The following AHCYL2 variants were observed in gnomAD, a reference collection of about 807,000 sequenced individuals.
AHCYL2 encodes S-adenosylhomocysteine hydrolase-like protein 2.
Under a neutral mutation model 81.4 loss-of-function variants are expected in AHCYL2, and 28 were observed. That is an observed-to-expected ratio of 0.34 (90% CI 0.25 to 0.47). AHCYL2 has a LOEUF of 0.47. AHCYL2 is among the 20% of genes least tolerant of loss of function. The pLI, the probability that AHCYL2 is intolerant of heterozygous loss-of-function variation, is 1.00. For missense variants in AHCYL2, 551 were observed against 785.1 expected, an observed-to-expected ratio of 0.70 and a Z score of 3.56; for synonymous variants, 272 against 290.2, an observed-to-expected ratio of 0.94 and a Z score of 0.64.
At chr7:129,232,237 C>T (rs1432456680) in intron 1 of AHCYL2, among the ~76,000 whole-genome samples, 2 of 152,218 alleles carry the variant, frequency 1.3e-5, no homozygotes, top group Non-Finnish European at 2.9e-5. Context: ...AATACTTACT[C>T]CGTGTCAGGA....
chr7:129,376,939 C>T (rs548148158), intron 1 of AHCYL2, among the ~76,000 whole-genome samples: 1 of 152,344 alleles, frequency 6.6e-6, no homozygotes, highest in South Asian at 2.1e-4. Flanking sequence ...TTTCCACCTT[C>T]CCTCTTCTTC....
At position 129,308,010 on chromosome 7, in the gene AHCYL2, G is replaced by A. The variant is rs942716500; in HGVS notation, c.364-71628G>A. ...TTCTCCTCTCCTCAAGCAGAAGAAAGGGGTCTCTTCTGAAGCTGGGAGCTT... is the reference window on the plus strand; with the variant it reads ...TTCTCCTCTCCTCAAGCAGAAGAAAAGGGTCTCTTCTGAAGCTGGGAGCTT... On this transcript the variant is annotated intron_variant, in intron 1 of 16. Transcript: ENST00000325006. Among the ~76,000 whole-genome samples the A allele has an allele frequency of 3.3e-5, 5 of 151,736 alleles. 1 individual carries two copies. In the East Asian group the frequency reaches 9.8e-4, roughly 30 times the overall value.
At chr7:129,252,978 G>A (rs1795293528) in intron 1 of AHCYL2, among the ~76,000 whole-genome samples, 1 of 152,162 alleles carries the variant, frequency 6.6e-6, no homozygotes, top group Admixed American at 6.5e-5. Flanking sequence ...GGAGGCTGAG[G>A]TGGGCGGATC....
At position 129,426,507 on chromosome 7, in the gene AHCYL2, A is replaced by T; in HGVS notation, c.1773A>T (p.Glu591Asp). The part of the protein sequence containing the change: ...FDAHLTELTD[E>D]QAKYLGLNKN... ...CCCACTTGACAGAGCTGACAGATGA[A>T]CAGGCCAAGTATCTGGGACTCAACA... Residue 591 changes from glutamate to aspartate, a missense_variant, in exon 16 of 17, where the codon GAA (glutamate) becomes GAT (aspartate). Around this residue, in one of 2 missense-constraint regions of AHCYL2, gnomAD observed 316 missense variants for 543.1 expected, o/e 0.58. Coordinates refer to ENST00000325006, the MANE Select transcript of AHCYL2 (RefSeq NM_015328.4). The surrounding 1 kb of genome is among the most constrained non-coding windows in gnomAD (Gnocchi z 4.3). 1 of 1,614,094 alleles carries T rather than the reference A, an allele frequency of 6.2e-7. No homozygotes were observed.
At chr7:129,248,324 G>C (rs960517444) in intron 1 of AHCYL2, among the ~76,000 whole-genome samples, 4 of 152,144 alleles carry the variant, frequency 2.6e-5, no homozygotes, top group Non-Finnish European at 4.4e-5. Flanking sequence ...ATCCTGGGAT[G>C]CTCGAGTCCC....
intron 7 of AHCYL2, among the ~76,000 whole-genome samples, 155 bp from the exon 8 acceptor site, chr7:129,404,942 T>C (rs1796230063): frequency 6.6e-6 from 1 of 152,192 alleles, no homozygotes; most frequent in Non-Finnish European, 1.5e-5. Context: ...TAGAAAGATA[T>C]TCTTTATTTC....
intron 5 of AHCYL2, among the ~76,000 whole-genome samples, chr7:129,398,320 T>C (rs1413648770): frequency 6.6e-6 from 1 of 150,474 alleles, no homozygotes; most frequent in Non-Finnish European, 1.5e-5. Context: ...CCATTTCTTT[T>C]TTCTGTTTTT....
chr7:129,344,935 A>T (rs1381727498), intron 1 of AHCYL2, among the ~76,000 whole-genome samples: 2 of 152,160 alleles, frequency 1.3e-5, no homozygotes, highest in African/African-American at 4.8e-5. Flanking sequence ...CGGGTGGATC[A>T]CCTGAGGTCA....
intron 1 of AHCYL2, among the ~76,000 whole-genome samples, chr7:129,255,587 C>T (rs1010335319): frequency 5.3e-5 from 8 of 152,158 alleles, no homozygotes; most frequent in African/African-American, 1.7e-4. Flanking sequence ...TGTGTATGTG[C>T]GTGTGTGCGT....
chr7:129,384,593 A>T (rs981917518), intron 2 of AHCYL2, among the ~76,000 whole-genome samples: 2 of 152,146 alleles, frequency 1.3e-5, no homozygotes, highest in Non-Finnish European at 2.9e-5. Context: ...TTTCCTGTCC[A>T]AAGTGCTTGT....
At chr7:129,348,166 T>C (rs1158574369) in intron 1 of AHCYL2, among the ~76,000 whole-genome samples, 1 of 152,214 alleles carries the variant, frequency 6.6e-6, no homozygotes, top group Non-Finnish European at 1.5e-5. Context: ...TGTATCATGG[T>C]GATAAACAAA....
At chr7:129,283,156 A>G (rs1796508689) in intron 1 of AHCYL2, among the ~76,000 whole-genome samples, 1 of 152,172 alleles carries the variant, frequency 6.6e-6, no homozygotes, top group Admixed American at 6.5e-5. Context: ...CCAGTACTCC[A>G]TCCTGCACAC....
intron 1 of AHCYL2, among the ~76,000 whole-genome samples, chr7:129,344,792 G>T (rs1584804683): frequency 1.3e-5 from 2 of 152,228 alleles, no homozygotes; most frequent in East Asian, 3.9e-4. Flanking sequence ...CTTAAAAGGG[G>T]CAGGAAGCGG....
In AHCYL2 at chr7:129,375,769, C is replaced by T; in HGVS notation, c.364-3869C>T. The T allele has an allele frequency of 1.3e-5, 19 of 1,507,756 alleles. No individual in the cohort carries two copies. In the South Asian group the frequency reaches 2.2e-4, roughly 17 times the overall value. The allele number at this position is 1,507,756 out of a possible 1,614,324, so 93.4% of individuals were successfully genotyped here. A position where few individuals can be genotyped will look rare whatever the true frequency, so the allele number is the denominator to read the frequency against. ...CCCACTCCCCAGCCCAAAAAGCTGG[C>T]TGGAACCAGAGCCAACAGAATTGCT... On this transcript the variant is annotated intron_variant, in intron 1 of 16. Transcript: ENST00000325006.
At chr7:129,423,039 T>A in intron 13 of AHCYL2, 101 bp downstream of exon 13, 1 of 890,232 alleles carries the variant, frequency 1.1e-6, no homozygotes, top group Non-Finnish European at 1.7e-6. Flanking sequence ...ACTCCTCTGT[T>A]AAGCACAAGT....
At chr7:129,286,956 T>C (rs1162814707) in intron 1 of AHCYL2, among the ~76,000 whole-genome samples, 1 of 152,126 alleles carries the variant, frequency 6.6e-6, no homozygotes, top group Non-Finnish European at 1.5e-5. Context: ...TAAATATTAA[T>C]AAATTGAAAA....
At chr7:129,309,077 C>A (rs897131210) in intron 1 of AHCYL2, among the ~76,000 whole-genome samples, 3 of 151,818 alleles carry the variant, frequency 2.0e-5, no homozygotes, top group Non-Finnish European at 4.4e-5. Flanking sequence ...ACTAAAAATA[C>A]AAAAATTAGC....
intron 1 of AHCYL2, among the ~76,000 whole-genome samples, chr7:129,321,966 G>A (rs557359890): frequency 2.6e-5 from 4 of 151,690 alleles, no homozygotes; most frequent in African/African-American, 9.7e-5. Context: ...AGTAGAGATG[G>A]GGTTTCGCCA....
chr7:129,329,841 T>C (rs559927065), intron 1 of AHCYL2, among the ~76,000 whole-genome samples: 2 of 152,332 alleles, frequency 1.3e-5, no homozygotes, highest in South Asian at 4.1e-4. Context: ...ATAGAATCTG[T>C]TATAATGTTA....
Sources: allele counts gnomAD v4.1 joint callset (sites outside exome capture counted in the v4.1 genomes callset), GRCh38; gene constraint gnomAD v4.1.1; regional missense constraint gnomAD v4.1.1; non-coding constraint Gnocchi (gnomAD v3.1); transcripts MANE v1.5; gene names NCBI Gene and HGNC (gene_info 2026-07-23, HGNC 2026-07-21).